EXOC6B: variants seen among roughly 807,000 people sequenced by gnomAD.
EXOC6B encodes the protein SEC15 homolog B.
A neutral mutation model predicts 113.5 loss-of-function variants in EXOC6B; 54 were observed. The observed-to-expected ratio is 0.48, with a 90% CI of 0.38 to 0.60. The LOEUF (loss-of-function observed/expected upper bound fraction) is 0.60. Ranked by LOEUF, EXOC6B falls within the 20% of genes least tolerant of loss-of-function variation. The pLI is 0.00. For synonymous variants in EXOC6B, 357 were observed against 339.0 expected, an observed-to-expected ratio of 1.05 and a Z score of -0.58; for missense variants, 797 against 977.5, an observed-to-expected ratio of 0.82 and a Z score of 2.46.
chr2:72,487,244 C>T (rs560443144), intron 16 of EXOC6B, among the ~76,000 whole-genome samples: 90 of 152,304 alleles, frequency 5.9e-4, no homozygotes, highest in African/African-American at 2.1e-3. Flanking sequence ...TTCTGGATTC[C>T]ATCTAAGATA....
chr2:72,462,269 C>A (rs983994532), intron 18 of EXOC6B: 3 of 151,978 alleles, frequency 2.0e-5, no homozygotes, highest in Non-Finnish European at 4.4e-5. Context: ...GTGGGCATTG[C>A]TAATATAAGA....
chr2:72,731,576 A>G (rs377166527), intron 3 of EXOC6B, among the ~76,000 whole-genome samples: 16 of 152,324 alleles, frequency 1.1e-4, no homozygotes, highest in African/African-American at 3.1e-4. Context: ...GGCCTTTCTA[A>G]AAGTTACAGT....
In EXOC6B at chr2:72,307,882, G is replaced by C. The variant is rs868059911; in HGVS notation, c.2196+27065C>G. 2.0e-5 allele frequency among the ~76,000 whole-genome samples: 3 copies of C among 152,098 alleles called. No individual in the cohort carries two copies. In the Middle Eastern group the frequency reaches 0.01, roughly 517 times the overall value. ...CAATAAAGGTTAATGGATTCCTCTA[G>C]TACTCCAGAGGAATAACACAAAGAG... On this transcript the variant is annotated intron_variant, in intron 20 of 21. Coordinates refer to ENST00000272427, the MANE Select transcript of EXOC6B (RefSeq NM_015189.3).
chr2:72,250,104 C>A (rs1467698172), intron 20 of EXOC6B, among the ~76,000 whole-genome samples: 2 of 152,154 alleles, frequency 1.3e-5, no homozygotes, highest in Admixed American at 6.5e-5. Flanking sequence ...TCAAGAAAAT[C>A]TTTCATGCAG....
chr2:72,543,676 G>T (rs374127115), intron 8 of EXOC6B, among the ~76,000 whole-genome samples: 89 of 152,282 alleles, frequency 5.8e-4, no homozygotes, highest in African/African-American at 2.0e-3. Flanking sequence ...GAGCCCATTA[G>T]CCCATAGTGC....
At chr2:72,313,616 C>T (rs1308148015) in intron 20 of EXOC6B, among the ~76,000 whole-genome samples, 1 of 152,044 alleles carries the variant, frequency 6.6e-6, no homozygotes, top group Non-Finnish European at 1.5e-5. Flanking sequence ...ATGGCTTCAC[C>T]TCCGCCACAT....
chr2:72,258,685 G>A (rs529029715), intron 20 of EXOC6B, among the ~76,000 whole-genome samples: 231 of 151,842 alleles, frequency 1.5e-3, no homozygotes, highest in African/African-American at 4.8e-3. Context: ...AATGCTTTTA[G>A]AATAAATAAA....
chr2:72,360,930 C>CA (rs3063329), intron 19 of EXOC6B, among the ~76,000 whole-genome samples: 2,580 of 91,042 alleles, frequency 0.028, 124 homozygotes, highest in African/African-American at 0.077. Context: ...GACTCCATCT[C>CA]AAAAAAAAAA....
chr2:72,396,024 A>G (rs1000828079), intron 18 of EXOC6B, among the ~76,000 whole-genome samples: 10 of 152,120 alleles, frequency 6.6e-5, no homozygotes, highest in African/African-American at 1.9e-4. Context: ...AAAACTGATT[A>G]TAGTAAAATT....
intron 1 of EXOC6B, among the ~76,000 whole-genome samples, chr2:72,793,019 T>G (rs1346065067): frequency 6.6e-6 from 1 of 152,228 alleles, no homozygotes; most frequent in Non-Finnish European, 1.5e-5. Flanking sequence ...GCCTTACCTA[T>G]GGTTCATCCA....
chr2:72,648,903 G>A (rs1673947890), intron 6 of EXOC6B, among the ~76,000 whole-genome samples: 1 of 152,144 alleles, frequency 6.6e-6, no homozygotes, highest in African/African-American at 2.4e-5. Flanking sequence ...CAGCACTTTG[G>A]GAGGCCGAGG....
intron 1 of EXOC6B, among the ~76,000 whole-genome samples, chr2:72,792,745 A>ACTT (rs1252016658): frequency 6.6e-6 from 1 of 152,144 alleles, no homozygotes; most frequent in African/African-American, 2.4e-5. Context: ...GGTTACCACA[A>ACTT]TCATTTTTAC....
At chr2:72,459,479 C>A (rs1332194170) in intron 18 of EXOC6B, among the ~76,000 whole-genome samples, 1 of 152,152 alleles carries the variant, frequency 6.6e-6, no homozygotes, top group East Asian at 1.9e-4. Flanking sequence ...CCAAAATCTC[C>A]TTAAGCTGAT....
At chr2:72,262,455 A>G (rs2104587700) in intron 20 of EXOC6B, among the ~76,000 whole-genome samples, 1 of 152,272 alleles carries the variant, frequency 6.6e-6, no homozygotes, top group South Asian at 2.1e-4. Context: ...TACAAATAAT[A>G]AAGACATTCA....
At chr2:72,287,203 G>A (rs1327475568) in intron 20 of EXOC6B, among the ~76,000 whole-genome samples, 1 of 151,990 alleles carries the variant, frequency 6.6e-6, no homozygotes, top group East Asian at 1.9e-4. Flanking sequence ...GCTGAGGTGG[G>A]CAGATCACGA....
chr2:72,654,887 T>A (rs1273904677), intron 6 of EXOC6B, among the ~76,000 whole-genome samples: 1 of 152,154 alleles, frequency 6.6e-6, no homozygotes, highest in African/African-American at 2.4e-5. Context: ...TATTTTCCAA[T>A]AAAGAGACAG....
intron 6 of EXOC6B, among the ~76,000 whole-genome samples, chr2:72,598,212 A>G (rs1670196920): frequency 6.6e-6 from 1 of 152,002 alleles, no homozygotes; most frequent in African/African-American, 2.4e-5. Flanking sequence ...TAAAGAATAG[A>G]AATCAAAAGA....
chr2:72,774,005 C>T (rs1683551349), intron 1 of EXOC6B, among the ~76,000 whole-genome samples: 2 of 152,150 alleles, frequency 1.3e-5, no homozygotes, highest in African/African-American at 4.8e-5. Flanking sequence ...TACCTTGTTA[C>T]ATTAAAACCC....
chr2:72,613,009 G>A (rs1671171842), intron 6 of EXOC6B, among the ~76,000 whole-genome samples: 1 of 152,108 alleles, frequency 6.6e-6, no homozygotes, highest in Non-Finnish European at 1.5e-5. Context: ...TCAATTTTCT[G>A]GGATGGGTGA....
Sources: allele counts gnomAD v4.1 joint callset (sites outside exome capture counted in the v4.1 genomes callset), GRCh38; gene constraint gnomAD v4.1.1; transcripts MANE v1.5; gene names NCBI Gene and HGNC (gene_info 2026-07-23, HGNC 2026-07-21).